The following MMAA variants were observed in gnomAD, a reference collection of about 807,000 sequenced individuals.
MMAA encodes the protein methylmalonic aciduria type A protein, mitochondrial.
A neutral mutation model predicts 45.0 loss-of-function variants in MMAA; 41 were observed. The ratio of observed to expected loss-of-function variants is 0.91; its 90% CI spans 0.71 to 1.18. MMAA has a LOEUF of 1.18. Ranked by LOEUF, MMAA falls within the 50% of genes most tolerant of loss-of-function variation. The pLI is 0.00. For missense variants in MMAA, 460 were observed against 495.7 expected, an observed-to-expected ratio of 0.93 and a Z score of 0.68; for synonymous variants, 154 against 178.2, an observed-to-expected ratio of 0.86 and a Z score of 1.08.
intron 4 of MMAA, among the ~76,000 whole-genome samples, chr4:145,648,019 G>C (rs1727981125): frequency 1.3e-5 from 2 of 149,596 alleles, no homozygotes; most frequent in South Asian, 2.1e-4. Context: ...ACCATGCCCA[G>C]CTAATTTTTT....
At chr4:145,651,987 G>C (rs572576822) in intron 5 of MMAA, among the ~76,000 whole-genome samples, 2 of 152,224 alleles carry the variant, frequency 1.3e-5, no homozygotes, top group East Asian at 3.9e-4. Flanking sequence ...CCCCCCTGCT[G>C]CCCCCCTGCT....
intron 3 of MMAA, 82 bp from the exon 4 acceptor site, chr4:145,645,904 T>A: frequency 7.3e-7 from 1 of 1,365,368 alleles, no homozygotes; most frequent in Non-Finnish European, 1.0e-6. Flanking sequence ...AGAAATGGCA[T>A]AAAGCACTTC....
Position 145,655,270 on chromosome 4 carries a change from G to A in MMAA, c.1093G>A (p.Val365Ile). Residue 365 changes from valine to isoleucine, a missense_variant, in exon 7 of 7, where the codon GTT becomes ATT. Val to Ile is a conservative substitution (Grantham distance 29, BLOSUM62 3). Transcript: ENST00000649156. Reference protein sequence around the residue: ...LTAKRRKQQKVWMWNLIQESV... With the variant: ...LTAKRRKQQKIWMWNLIQESV... ...TGCCAAACGACGGAAGCAACAGAAA[G>A]TTTGGATGTGGAATCTCATTCAGGA... 1 of 1,614,192 alleles carries A rather than the reference G, an allele frequency of 6.2e-7. No individual in the cohort carries two copies.
rs72950842 is a variant in MMAA at position 145,659,258 on chromosome 4, C to G, written c.*3824C>G. On this transcript the variant is annotated 3_prime_UTR_variant, in exon 7 of 7. Coordinates refer to ENST00000649156, the MANE Select transcript of MMAA (RefSeq NM_172250.3). ...TTATAGTCCCTGTCCCATGAAGCTT[C>G]TGTGGATTTGCTTTGTTTGTCATTT... 6.6e-6 allele frequency: 1 copy of G among 152,096 alleles called. No individual in the cohort carries two copies. 9.4% of individuals were successfully genotyped at this position (152,096 alleles called of 1,614,324 possible).
chr4:145,625,422 G>C, intron 1 of MMAA: 1 of 705,876 alleles, frequency 1.4e-6, no homozygotes, highest in East Asian at 3.0e-5. Context: ...TTGCTTCCAA[G>C]GAGCCATTTG....
intron 4 of MMAA, among the ~76,000 whole-genome samples, chr4:145,649,801 T>A (rs1728039820): frequency 6.6e-6 from 1 of 151,474 alleles, no homozygotes; most frequent in Non-Finnish European, 1.5e-5. Context: ...AGGTGGGGTA[T>A]CACCATGTTG....
At chr4:145,654,259 G>A in intron 6 of MMAA, 116 bp downstream of exon 6, 1 of 1,285,048 alleles carries the variant, frequency 7.8e-7, no homozygotes, top group Non-Finnish European at 1.1e-6. Context: ...GAAGATGATA[G>A]TTTTAAAAAT....
At chr4:145,638,764 G>C (rs968790018) in intron 1 of MMAA, among the ~76,000 whole-genome samples, 1 of 152,118 alleles carries the variant, frequency 6.6e-6, no homozygotes. Flanking sequence ...GAATTTAAGA[G>C]AAAGCATAAC....
chr4:145,636,079 A>G (rs949217300), intron 1 of MMAA, among the ~76,000 whole-genome samples: 1 of 152,232 alleles, frequency 6.6e-6, no homozygotes, highest in African/African-American at 2.4e-5. Context: ...GGAGAATAAA[A>G]TGAAATAAAA....
chr4:145,650,731 G>C (rs1728066270), intron 4 of MMAA: 5 of 340,550 alleles, frequency 1.5e-5, no homozygotes. Context: ...TTGTAGGCAT[G>C]ATTCAAGATT....
intron 1 of MMAA, among the ~76,000 whole-genome samples, chr4:145,628,847 G>T (rs1321957504): frequency 6.6e-6 from 1 of 152,142 alleles, no homozygotes; most frequent in Non-Finnish European, 1.5e-5. Context: ...CTCTGTAGAT[G>T]AAGTTATATA....
At position 145,657,997 on chromosome 4, in the gene MMAA, G is replaced by A. The variant is rs1578890877; in HGVS notation, c.*2563G>A. On this transcript the variant is annotated 3_prime_UTR_variant, in exon 7 of 7. Transcript: ENST00000649156. ...TGGGTGGTAAGTGAGCTCTTGCTCCGAGTTCACACGAGGTCTAGATCTGGT... is the reference window on the plus strand; with the variant it reads ...TGGGTGGTAAGTGAGCTCTTGCTCCAAGTTCACACGAGGTCTAGATCTGGT... The A allele has an allele frequency of 6.6e-6, 1 of 152,170 alleles. No homozygotes were observed. Among genetic ancestry groups the A allele is most frequent in the Non-Finnish European group, 1.5e-5 (1 of 68,068 alleles). 9.4% of individuals were successfully genotyped at this position (152,170 alleles called of 1,614,324 possible).
chr4:145,646,360 C>T (rs1215177396), intron 4 of MMAA: 2 of 582,700 alleles, frequency 3.4e-6, no homozygotes, highest in Non-Finnish European at 5.9e-6. Context: ...AAAAATAAGC[C>T]ATCTATCTGG....
chr4:145,642,472 T>C lies in MMAA; in HGVS notation c.549T>C (p.Ser183=). 1.2e-6 allele frequency: 2 copies of C among 1,614,162 alleles called. No homozygotes were observed. Among genetic ancestry groups the C allele is most frequent in the Non-Finnish European group, 8.5e-7 (1 of 1,180,012 alleles). Reference sequence around the variant, plus strand: ...CTGTGCTAGCTGTGGACCCTTCTTCTTGTACTAGTGGTGGTAAGTATGGCT... The same window carrying C: ...CTGTGCTAGCTGTGGACCCTTCTTCCTGTACTAGTGGTGGTAAGTATGGCT... ...KLSVLAVDPS[S]CTSGGSLLGD... is the part of the protein sequence containing the mutation. Residue 183 remains serine, a synonymous_variant, in exon 3 of 7, where the codon TCT becomes TCC. Coordinates refer to ENST00000649156, the MANE Select transcript of MMAA (RefSeq NM_172250.3).
intron 1 of MMAA, among the ~76,000 whole-genome samples, chr4:145,627,843 A>G (rs1052726059): frequency 1.3e-5 from 2 of 152,202 alleles, no homozygotes; most frequent in African/African-American, 4.8e-5. Context: ...TCTCATATAT[A>G]TCATGTTATT....
chr4:145,636,150 G>A (rs1727602120), intron 1 of MMAA, among the ~76,000 whole-genome samples: 1 of 152,224 alleles, frequency 6.6e-6, no homozygotes, highest in South Asian at 2.1e-4. Flanking sequence ...AATAAGTTCA[G>A]ATCAGCAGCA....
rs1305047218 is a variant in MMAA at position 145,657,162 on chromosome 4, T to G, written c.*1728T>G. On this transcript the variant is annotated 3_prime_UTR_variant, in exon 7 of 7. Transcript: ENST00000649156. The stretch of plus-strand genomic sequence containing the variant: ...GGTAGGAAAGGTGGGGGGACTTTTG[T>G]TAGCTTTAATTTTAAGGCTAAAAGC... 6.6e-6 allele frequency: 1 copy of G among 152,206 alleles called. No individual in the cohort carries two copies. The highest frequency in any genetic ancestry group is 1.9e-4 in the East Asian group (1 of 5,202). The allele number at this position is 152,206 out of a possible 1,614,324, so 9.4% of individuals were successfully genotyped here. A position where few individuals can be genotyped will look rare whatever the true frequency, so the allele number is the denominator to read the frequency against.
intron 1 of MMAA, among the ~76,000 whole-genome samples, chr4:145,635,413 G>C (rs1449187576): frequency 1.3e-5 from 2 of 152,198 alleles, no homozygotes; most frequent in Non-Finnish European, 2.9e-5. Flanking sequence ...TCACAGAAAT[G>C]CTCTCTGCAT....
intron 2 of MMAA, among the ~76,000 whole-genome samples, chr4:145,641,794 C>T (rs1727793375): frequency 6.6e-6 from 1 of 152,170 alleles, no homozygotes; most frequent in South Asian, 2.1e-4. Flanking sequence ...CCGTGCACTG[C>T]CAACTCTCCA....
Sources: gnomAD v4.1 joint callset for allele counts (sites outside exome capture counted in the v4.1 genomes callset) on GRCh38, gnomAD v4.1.1 for gene constraint, MANE v1.5 for transcripts, NCBI Gene and HGNC (gene_info 2026-07-23, HGNC 2026-07-21) for gene names.